Variants in NKAIN2 observed in about 807,000 individuals in gnomAD.
NKAIN2 encodes the protein sodium/potassium-transporting ATPase subunit beta-1-interacting protein 2.
In NKAIN2, 14 loss-of-function variants were observed where a neutral mutation model predicts 32.6. The observed-to-expected ratio is 0.43, with a 90% CI of 0.28 to 0.67. The LOEUF (loss-of-function observed/expected upper bound fraction) is 0.67. Among genes scored for constraint, NKAIN2 ranks in the 30% least tolerant of loss-of-function variants. The pLI is 0.17. For missense variants in NKAIN2, 198 were observed against 258.3 expected (o/e 0.77, Z 1.60); for synonymous variants, 80 against 87.2 (o/e 0.92, Z 0.46).
chr6:124,596,072 A>T (rs560752051), intron 3 of NKAIN2, among the ~76,000 whole-genome samples: 2 of 152,212 alleles, frequency 1.3e-5, no homozygotes, highest in South Asian at 4.1e-4. Context: ...GTAAATTGGA[A>T]CCCCAACAGA....
chr6:123,969,368 A>C (rs1330503537), intron 1 of NKAIN2, among the ~76,000 whole-genome samples: 1 of 152,212 alleles, frequency 6.6e-6, no homozygotes, highest in Non-Finnish European at 1.5e-5. Flanking sequence ...GGAAATAAAC[A>C]TGATTGTGAA....
intron 1 of NKAIN2, among the ~76,000 whole-genome samples, chr6:123,968,298 TCA>T (rs146970377): frequency 0.01 from 1,564 of 152,250 alleles, 26 homozygotes; most frequent in African/African-American, 0.035. Context: ...CTTCAATTAA[TCA>T]CATGTCCAAA....
chr6:124,627,752 T>A (rs1783409708), intron 3 of NKAIN2, among the ~76,000 whole-genome samples: 1 of 152,148 alleles, frequency 6.6e-6, no homozygotes, highest in Non-Finnish European at 1.5e-5. Context: ...GTCTTAGTTA[T>A]TTCAGCTTTA....
intron 4 of NKAIN2, among the ~76,000 whole-genome samples, chr6:124,759,039 C>T (rs775664264): frequency 4.6e-5 from 7 of 152,104 alleles, no homozygotes; most frequent in Non-Finnish European, 8.8e-5. Flanking sequence ...ACTTCCTTAA[C>T]GCTATTCATT....
At chr6:124,429,797 C>T (rs1583238739) in intron 3 of NKAIN2, among the ~76,000 whole-genome samples, 1 of 152,260 alleles carries the variant, frequency 6.6e-6, no homozygotes, top group East Asian at 1.9e-4. Context: ...TACTGCTCCC[C>T]TTGCTGCCAG....
At chr6:124,472,472 G>T (rs1308177544) in intron 3 of NKAIN2, among the ~76,000 whole-genome samples, 1 of 151,990 alleles carries the variant, frequency 6.6e-6, no homozygotes, top group African/African-American at 2.4e-5. Flanking sequence ...ATCTGCTTGT[G>T]GTAGGTACAC....
chr6:123,886,632 C>A (rs962177697), intron 1 of NKAIN2, among the ~76,000 whole-genome samples: 4 of 152,010 alleles, frequency 2.6e-5, no homozygotes, highest in African/African-American at 9.7e-5. Context: ...TATATAACTG[C>A]TTTTCTATGT....
At chr6:124,425,607 AT>A (rs1774948474) in intron 3 of NKAIN2, among the ~76,000 whole-genome samples, 1 of 152,136 alleles carries the variant, frequency 6.6e-6, no homozygotes, top group African/African-American at 2.4e-5. Context: ...TAGCAAAAAA[AT>A]AAATAATAGC....
At chr6:123,857,762 A>G (rs1402230812) in intron 1 of NKAIN2, among the ~76,000 whole-genome samples, 1 of 152,106 alleles carries the variant, frequency 6.6e-6, no homozygotes, top group Non-Finnish European at 1.5e-5. Context: ...TTGAAGCAGA[A>G]CACTATCGAT....
intron 1 of NKAIN2, among the ~76,000 whole-genome samples, chr6:123,890,390 A>G (rs1485875708): frequency 6.6e-6 from 1 of 151,984 alleles, no homozygotes; most frequent in Non-Finnish European, 1.5e-5. Flanking sequence ...AAGTCCTTAA[A>G]CATCTTTCCT....
chr6:124,699,015 T>G (rs952515627), intron 4 of NKAIN2, among the ~76,000 whole-genome samples: 1 of 152,242 alleles, frequency 6.6e-6, no homozygotes, highest in Non-Finnish European at 1.5e-5. Flanking sequence ...TTTAACCTTT[T>G]GGTCCTTCAG....
At chr6:124,201,913 CT>C (rs1395165836) in intron 1 of NKAIN2, among the ~76,000 whole-genome samples, 1 of 151,834 alleles carries the variant, frequency 6.6e-6, no homozygotes, top group Non-Finnish European at 1.5e-5. Flanking sequence ...TACCTATTTT[CT>C]TTTTGTATTT....
intron 3 of NKAIN2, among the ~76,000 whole-genome samples, chr6:124,525,854 A>T (rs1186037146): frequency 6.6e-6 from 1 of 152,192 alleles, no homozygotes; most frequent in African/African-American, 2.4e-5. Flanking sequence ...GAAGCCTTTT[A>T]AAAAAGACAT....
chr6:123,818,354 AACACACACACACACACACACAC>A (rs36066775), intron 1 of NKAIN2, among the ~76,000 whole-genome samples: 2 of 144,508 alleles, frequency 1.4e-5, no homozygotes, highest in Non-Finnish European at 1.5e-5. Context: ...TTCTTGTGGA[AACACACACACACACACACACAC>A]ACACACACAC....
chr6:124,038,309 G>T (rs978067769), intron 1 of NKAIN2, among the ~76,000 whole-genome samples: 2 of 151,850 alleles, frequency 1.3e-5, no homozygotes, highest in Non-Finnish European at 2.9e-5. Context: ...CTGCCTCCAG[G>T]GTTCAAGTGA....
At chr6:123,922,001 G>A (rs553987022) in intron 1 of NKAIN2, among the ~76,000 whole-genome samples, 1 of 151,972 alleles carries the variant, frequency 6.6e-6, no homozygotes, top group Admixed American at 6.6e-5. Context: ...TTTATTTCAA[G>A]GTGTATGACT....
intron 1 of NKAIN2, among the ~76,000 whole-genome samples, chr6:123,938,709 C>T (rs965266093): frequency 6.7e-6 from 1 of 149,112 alleles, no homozygotes; most frequent in South Asian, 2.1e-4. Context: ...CTACTTGATA[C>T]TAAAAATATG....
intron 3 of NKAIN2, among the ~76,000 whole-genome samples, chr6:124,371,589 G>A (rs745326992): frequency 2.0e-5 from 3 of 151,476 alleles, no homozygotes; most frequent in Non-Finnish European, 4.4e-5. Flanking sequence ...AGCTACTCAG[G>A]AGGCTGAGGC....
intron 4 of NKAIN2, among the ~76,000 whole-genome samples, chr6:124,734,913 A>G (rs777778653): frequency 3.3e-5 from 5 of 151,862 alleles, no homozygotes; most frequent in Non-Finnish European, 5.9e-5. Context: ...ACTTTTGAAA[A>G]TACTTCACAT....
Sources: allele counts gnomAD v4.1 joint callset (sites outside exome capture counted in the v4.1 genomes callset), GRCh38; gene constraint gnomAD v4.1.1; transcripts MANE v1.5; gene names NCBI Gene and HGNC (gene_info 2026-07-23, HGNC 2026-07-21).